Variants in DCDC1 observed in about 807,000 individuals in gnomAD.
The protein encoded by DCDC1 is doublecortin domain containing 1.
DCDC1 carries 200 observed loss-of-function variants against 178.3 expected under a neutral mutation model. The ratio of observed to expected loss-of-function variants is 1.12; its 90% CI spans 1.00 to 1.26. The LOEUF is 1.26. DCDC1 is among the 50% of genes most tolerant of loss of function. DCDC1 has a pLI of 0.00. For missense variants in DCDC1, 1,983 were observed against 1,749.2 expected (o/e 1.13, Z -2.38); for synonymous variants, 690 against 604.8 (o/e 1.14, Z -2.07).
intron 8 of DCDC1, among the ~76,000 whole-genome samples, chr11:31,250,413 C>CATATATATATATATATATATATAT (rs1565496380): frequency 2.1e-5 from 2 of 93,066 alleles, no homozygotes; most frequent in African/African-American, 1.0e-4. Context: ...CACACACACA[C>CATATATATATATATATATATATAT]ACATATACAT....
rs193085405 is a variant in DCDC1, at chr11:31,331,954, G to A, written c.-7+3493C>T. Among the ~76,000 whole-genome samples the A allele has an allele frequency of 3.0e-3, 450 of 152,246 alleles. 2 individuals are homozygous for A. Among genetic ancestry groups the A allele is most frequent in the African/African-American group, 1.0e-2 (415 of 41,548 alleles). On this transcript the variant is annotated intron_variant, in intron 2 of 38. Coordinates refer to ENST00000684477, the MANE Select transcript of DCDC1 (RefSeq NM_001387274.1). ...GATTGGAATAGTTTCAGAAGAAATG[G>A]TACCAGCTCCTCCTTGTACCTCTGG...
chr11:31,107,003 A>G (rs756613042), intron 12 of DCDC1, 43 bp from the exon 13 acceptor site: 2 of 715,946 alleles, frequency 2.8e-6, no homozygotes, highest in Non-Finnish European at 5.0e-6. Flanking sequence ...AGGAGAATAA[A>G]TAACCTAAAA....
intron 9 of DCDC1, chr11:31,155,923 A>T (rs73461521): frequency 6.6e-6 from 1 of 152,228 alleles, no homozygotes; most frequent in Non-Finnish European, 1.5e-5. Flanking sequence ...TGCAGATAAG[A>T]AAAACTAAGA....
intron 36 of DCDC1, among the ~76,000 whole-genome samples, chr11:30,891,570 T>A (rs902283846): frequency 1.3e-5 from 2 of 152,224 alleles, no homozygotes; most frequent in African/African-American, 4.8e-5. Flanking sequence ...ACACTTAGCA[T>A]CTACAACATG....
At chr11:31,222,755 T>TC (rs1472869954) in intron 9 of DCDC1, among the ~76,000 whole-genome samples, 1 of 152,106 alleles carries the variant, frequency 6.6e-6, no homozygotes, top group East Asian at 1.9e-4. Context: ...AGAGAGAGTG[T>TC]ATGCTCTCTG....
intron 38 of DCDC1, among the ~76,000 whole-genome samples, chr11:30,875,189 T>G (rs1942004080): frequency 6.6e-6 from 1 of 152,184 alleles, no homozygotes; most frequent in Non-Finnish European, 1.5e-5. Flanking sequence ...AGCTTTCTCC[T>G]GAGTGGTCTT....
At chr11:31,233,494 C>T (rs900604941) in intron 9 of DCDC1, among the ~76,000 whole-genome samples, 17 of 152,080 alleles carry the variant, frequency 1.1e-4, no homozygotes, top group African/African-American at 4.1e-4. Flanking sequence ...TCTCTAATTA[C>T]TTTTTGGGGG....
rs763750603 is a variant in DCDC1, at chr11:30,952,481, G to A, written c.2679C>T (p.Tyr893=). ...VENPLWNKLT[Y]MWPVLPSGQL... is the part of the protein sequence containing the mutation. ...GGCCACTGGGAAGGACAGGCCACAT[G>A]TAGGTAAGCTTGTTCCATAGAGGAT... The change falls in exon 21 of 39, where the codon TAC becomes TAT. Residue 893 remains tyrosine, a synonymous_variant. Transcript: ENST00000684477. The A allele has an allele frequency of 2.0e-4, 316 of 1,584,954 alleles. 3 individuals are homozygous for A. Among genetic ancestry groups the A allele is most frequent in the Non-Finnish European group, 1.9e-4 (221 of 1,169,998 alleles).
At chr11:31,125,723 A>C (rs1961510365) in intron 11 of DCDC1, among the ~76,000 whole-genome samples, 1 of 152,152 alleles carries the variant, frequency 6.6e-6, no homozygotes, top group South Asian at 2.1e-4. Flanking sequence ...AGAGATGAAT[A>C]ATGAGAACAC....
chr11:31,245,330 C>A (rs1943477808), intron 8 of DCDC1, among the ~76,000 whole-genome samples: 1 of 151,260 alleles, frequency 6.6e-6, no homozygotes. Context: ...CAGTGCTCAA[C>A]AAATGTCTAC....
chr11:31,305,709 G>T lies in DCDC1; in HGVS notation c.660C>A (p.Gly220=). 1 of 1,613,754 alleles carries T rather than the reference G, an allele frequency of 6.2e-7. No individual in the cohort carries two copies. The part of the protein sequence containing the change: ...MAARRVFLAD[G]KEALEPEDIP... ...TATCTTCAGGTTCGAGGGCTTCCTT[G>T]CCGTCTGCCAAGAACACTCGTCTTG... is the stretch of plus-strand genomic sequence containing the variant. Residue 220 remains glycine, a synonymous_variant, in exon 6 of 39, where the codon GGC becomes GGA. Transcript: ENST00000684477.
At chr11:31,343,040 A>C (rs61879887) in intron 1 of DCDC1, among the ~76,000 whole-genome samples, 43,229 of 152,000 alleles carry the variant, frequency 0.28, 7,002 homozygotes, top group Non-Finnish European at 0.35. Flanking sequence ...CCAAGGTGGG[A>C]GGATCTCTTG....
intron 20 of DCDC1, among the ~76,000 whole-genome samples, chr11:31,032,986 GTGGGAGGCCTTGGC>G (rs1336141977): frequency 1.3e-5 from 2 of 152,150 alleles, no homozygotes; most frequent in Admixed American, 1.3e-4. Flanking sequence ...CCTGGCAGAG[GTGGGAGGCCTTGGC>G]TGTTTAAAAA....
At chr11:31,002,650 T>C (rs1391572001) in intron 20 of DCDC1, among the ~76,000 whole-genome samples, 1 of 152,180 alleles carries the variant, frequency 6.6e-6, no homozygotes, top group Non-Finnish European at 1.5e-5. Flanking sequence ...GTTATTCCTC[T>C]AATTTTCTTA....
chr11:31,164,984 A>C (rs935585273), intron 9 of DCDC1, among the ~76,000 whole-genome samples: 1 of 152,312 alleles, frequency 6.6e-6, no homozygotes, highest in East Asian at 1.9e-4. Flanking sequence ...TTAGAAACAC[A>C]AATACTTACC....
At chr11:31,248,806 T>C (rs965358861) in intron 8 of DCDC1, among the ~76,000 whole-genome samples, 2 of 152,140 alleles carry the variant, frequency 1.3e-5, no homozygotes, top group Non-Finnish European at 2.9e-5. Flanking sequence ...TTTTACATAT[T>C]TTTGTCTACG....
At chr11:31,354,026 G>A (rs777566949) in intron 1 of DCDC1, among the ~76,000 whole-genome samples, 4 of 152,140 alleles carry the variant, frequency 2.6e-5, no homozygotes, top group Non-Finnish European at 4.4e-5. Flanking sequence ...GGTGGCTCAC[G>A]CCTGTAATCC....
intron 20 of DCDC1, among the ~76,000 whole-genome samples, chr11:31,000,087 A>G (rs1209005187): frequency 1.3e-5 from 2 of 152,158 alleles, no homozygotes; most frequent in Non-Finnish European, 2.9e-5. Flanking sequence ...ACACCAAGGG[A>G]TTACTGCAGG....
At chr11:31,206,560 T>G (rs1184040142) in intron 9 of DCDC1, among the ~76,000 whole-genome samples, 1 of 152,122 alleles carries the variant, frequency 6.6e-6, no homozygotes, top group African/African-American at 2.4e-5. Flanking sequence ...ATTACAGGCA[T>G]GCGCCACCAC....
Sources: allele counts gnomAD v4.1 joint callset (sites outside exome capture counted in the v4.1 genomes callset), GRCh38; gene constraint gnomAD v4.1.1; transcripts MANE v1.5; gene names NCBI Gene and HGNC (gene_info 2026-07-23, HGNC 2026-07-21).